IQSEC3: variants seen among roughly 807,000 people sequenced by gnomAD.
IQSEC3 encodes the protein IQ motif and Sec7 domain ArfGEF 3.
Under a neutral mutation model 105.4 loss-of-function variants are expected in IQSEC3, and 50 were observed. The observed-to-expected ratio is 0.47, with a 90% confidence interval of 0.38 to 0.60. The LOEUF is 0.60. IQSEC3 is among the 20% of genes least tolerant of loss of function. The probability of loss-of-function intolerance (pLI) is 0.00; values close to 1 mark genes in which losing one functional copy is unlikely to be tolerated. For missense variants in IQSEC3, 1,415 were observed against 1,630.0 expected, an observed-to-expected ratio of 0.87 and a Z score of 2.27; for synonymous variants, 708 against 746.0, an observed-to-expected ratio of 0.95 and a Z score of 0.83.
At chr12:98,905 C>T (rs1214135951) in intron 1 of IQSEC3, among the ~76,000 whole-genome samples, 2 of 152,178 alleles carry the variant, frequency 1.3e-5, no homozygotes, top group Non-Finnish European at 2.9e-5. Flanking sequence ...GTCAAGGAGG[C>T]TGCACACAGG....
chr12:104,291 CT>C (rs1393060449), intron 2 of IQSEC3, among the ~76,000 whole-genome samples: 1 of 152,178 alleles, frequency 6.6e-6, no homozygotes, highest in East Asian at 1.9e-4. Context: ...CACACAACGT[CT>C]TTTCAAAGAG....
intron 2 of IQSEC3, among the ~76,000 whole-genome samples, chr12:103,330 G>A (rs1328357662): frequency 6.7e-6 from 1 of 149,098 alleles, no homozygotes; most frequent in Non-Finnish European, 1.5e-5. Flanking sequence ...GTGGGAGAGG[G>A]TGGGGCTCAG....
rs188339174 is a variant in IQSEC3, at chr12:146,487, T to A, written c.2153+5202T>A. ...AAGAGACCTCATCTCTACAAAAAAA[T>A]TTTTTTTAAGTAGCCAGGTGTGGTG... On this transcript the variant is annotated intron_variant, in intron 5 of 13. Coordinates refer to ENST00000538872, the MANE Select transcript of IQSEC3 (RefSeq NM_001170738.2). Among the ~76,000 whole-genome samples the A allele has an allele frequency of 5.3e-3, 810 of 151,716 alleles. 14 individuals carry two copies. The East Asian group carries it at 0.068, about 13-fold the overall frequency.
chr12:144,462 G>C (rs1429641596), intron 5 of IQSEC3: 1 of 152,184 alleles, frequency 6.6e-6, no homozygotes, highest in African/African-American at 2.4e-5. Context: ...CATCCCCTTG[G>C]AGACTAAAAC....
Position 67,455 on chromosome 12 carries a change from T to A in IQSEC3, c.554+19T>A, listed in dbSNP as rs1279137651. On this transcript the variant is annotated intron_variant, in intron 1 of 13. Transcript: ENST00000538872. The stretch of plus-strand genomic sequence containing the variant: ...GACCTGAGTGAGCGGGGAGAGGAGA[T>A]GGGCACTGTTGTGGTGGGAGCAAGG... 6.3e-7 allele frequency: 1 copy of A among 1,597,152 alleles called. No individual in the cohort carries two copies. Among genetic ancestry groups the A allele is most frequent in the Non-Finnish European group, 8.5e-7 (1 of 1,179,574 alleles).
At chr12:119,803 G>C (rs527335666) in intron 2 of IQSEC3, among the ~76,000 whole-genome samples, 4 of 152,302 alleles carry the variant, frequency 2.6e-5, no homozygotes, top group Admixed American at 6.5e-5. Context: ...CCCTTGGAAG[G>C]ATGTGACTTT....
intron 1 of IQSEC3, among the ~76,000 whole-genome samples, chr12:86,093 TATA>T (rs1404083216): frequency 6.6e-6 from 1 of 152,200 alleles, no homozygotes; most frequent in Non-Finnish European, 1.5e-5. Flanking sequence ...ATGACATGTA[TATA>T]AACATCAGTG....
intron 1 of IQSEC3, among the ~76,000 whole-genome samples, chr12:68,379 C>T (rs1160714667): frequency 1.3e-4 from 20 of 152,196 alleles, no homozygotes; most frequent in Non-Finnish European, 7.3e-5. Flanking sequence ...CCTTTTTTCC[C>T]GGTTATCTGG....
rs1053188942 is a variant in IQSEC3, at chr12:107,853, C to T, written c.623+8639C>T. 3.3e-5 allele frequency among the ~76,000 whole-genome samples: 5 copies of T among 152,132 alleles called. No individual in the cohort carries two copies. The East Asian group carries it at 9.6e-4, about 29-fold the overall frequency. ...CACATGGCCTGGGGACCCCAGTGACCTCCCTTACAGAGTATGGATATCAGT... is the reference window on the plus strand; with the variant it reads ...CACATGGCCTGGGGACCCCAGTGACTTCCCTTACAGAGTATGGATATCAGT... On this transcript the variant is annotated intron_variant, in intron 2 of 13. Coordinates refer to ENST00000538872, the MANE Select transcript of IQSEC3 (RefSeq NM_001170738.2).
At chr12:108,201 T>C (rs1446579478) in intron 2 of IQSEC3, among the ~76,000 whole-genome samples, 4 of 152,276 alleles carry the variant, frequency 2.6e-5, no homozygotes, top group Admixed American at 6.5e-5. Flanking sequence ...GGAGGCTTTT[T>C]AAAACTTGTT....
rs113171897 is a variant in IQSEC3 at position 156,241 on chromosome 12, AAGGCCCTTGGGGAGCAGGGACTCC to A, written c.2154-781_2154-758del. Among the ~76,000 whole-genome samples, 322 of 152,298 alleles carry A rather than the reference AAGGCCCTTGGGGAGCAGGGACTCC, an allele frequency of 2.1e-3. 1 individual carries two copies. The highest frequency in any genetic ancestry group is 7.5e-3 in the African/African-American group (310 of 41,562). On this transcript the variant is annotated intron_variant, in intron 5 of 13. Transcript: ENST00000538872. ...TTGGAGGCAGCATTTCAGAGGTAGCAAGGCCCTTGGGGAGCAGGGACTCCAGCCTCCTCCCTTTTCAGAAGGTCA... is the reference window on the plus strand; with the variant it reads ...TTGGAGGCAGCATTTCAGAGGTAGCAAGCCTCCTCCCTTTTCAGAAGGTCA...
At chr12:145,853 C>G (rs556932129) in intron 5 of IQSEC3, among the ~76,000 whole-genome samples, 45 of 152,376 alleles carry the variant, frequency 3.0e-4, no homozygotes, top group African/African-American at 8.7e-4. Flanking sequence ...TGAGCGGCCT[C>G]TTTCTGGCCT....
rs782226214 is a variant in IQSEC3, at chr12:157,005, C to A, written c.2154-20C>A. ...GCTTAGGGTGCCACCTGACCTCACACCCTCCCTGCCTGCCCTCAGCTGCGT... is the reference window on the plus strand; with the variant it reads ...GCTTAGGGTGCCACCTGACCTCACAACCTCCCTGCCTGCCCTCAGCTGCGT... On this transcript the variant is annotated intron_variant, in intron 5 of 13. Transcript: ENST00000538872. The A allele has an allele frequency of 1.3e-6, 2 of 1,570,688 alleles. No individual in the cohort carries two copies. The highest frequency in any genetic ancestry group is 1.4e-5 in the African/African-American group (1 of 73,662).
intron 1 of IQSEC3, among the ~76,000 whole-genome samples, chr12:68,618 A>C (rs1474395569): frequency 1.3e-5 from 2 of 152,280 alleles, no homozygotes; most frequent in African/African-American, 4.8e-5. Context: ...GTTCAAGGGA[A>C]ATTGTCCCTG....
chr12:78,426 G>A (rs1555069926), intron 1 of IQSEC3, among the ~76,000 whole-genome samples: 1 of 151,772 alleles, frequency 6.6e-6, no homozygotes, highest in Non-Finnish European at 1.5e-5. Flanking sequence ...AGGGGTCGGG[G>A]ATGAGGACGG....
chr12:74,912 A>T (rs1863459217), intron 1 of IQSEC3, among the ~76,000 whole-genome samples: 1 of 152,260 alleles, frequency 6.6e-6, no homozygotes, highest in African/African-American at 2.4e-5. Flanking sequence ...CTCTTCATCC[A>T]CTGCTCTCAA....
In IQSEC3 at chr12:66,939, G is replaced by A. The variant is rs1277843590; in HGVS notation, c.57G>A (p.Thr19=). Reference sequence around the variant, plus strand: ...CCGTGCTCTACCTCAAGGAGCTCACGGCCATCGTGCAGAACCAGCAGAGCC... The same window carrying A: ...CCGTGCTCTACCTCAAGGAGCTCACAGCCATCGTGCAGAACCAGCAGAGCC... The part of the protein sequence containing the change: ...VRAVLYLKEL[T]AIVQNQQSLI... Residue 19 remains threonine (T), a synonymous_variant, in exon 1 of 14, where the codon ACG becomes ACA. Coordinates refer to ENST00000538872, the MANE Select transcript of IQSEC3 (RefSeq NM_001170738.2). 7 of 1,523,522 alleles carry A rather than the reference G, an allele frequency of 4.6e-6. No homozygotes were observed. Among genetic ancestry groups the A allele is most frequent in the Non-Finnish European group, 6.1e-6 (7 of 1,141,652 alleles). The allele number at this position is 1,523,522 out of a possible 1,614,324, so 94.4% of individuals were successfully genotyped here.
At position 138,450 on chromosome 12, in the gene IQSEC3, A is replaced by G. The variant is rs1001318563; in HGVS notation, c.1087A>G (p.Ser363Gly). The G allele has an allele frequency of 6.2e-7, 1 of 1,604,050 alleles. No individual in the cohort carries two copies. The highest frequency in any genetic ancestry group is 8.5e-7 in the Non-Finnish European group (1 of 1,179,068). ...LRKVRSPTAE[S>G]LAAEKALMEG... ...CAAGGTGCGGTCACCCACGGCCGAG[A>G]GCCTGGCGGCCGAGAAAGCGCTCAT... is the stretch of plus-strand genomic sequence containing the variant. The change falls in exon 4 of 14, where the codon AGC becomes GGC. Residue 363 changes from serine (S) to glycine (G), a missense_variant. By Grantham distance (56) the Ser-to-Gly change is moderately conservative. Around this residue, in one of 6 missense-constraint regions of IQSEC3, gnomAD observed 720 missense variants for 633.0 expected, o/e 1.14. Coordinates refer to ENST00000538872, the MANE Select transcript of IQSEC3 (RefSeq NM_001170738.2). The surrounding 1 kb of genome is among the most constrained non-coding windows in gnomAD (Gnocchi z 7.1).
At chr12:146,704 AAGGG>A (rs1178210235) in intron 5 of IQSEC3, among the ~76,000 whole-genome samples, 10 of 146,974 alleles carry the variant, frequency 6.8e-5, no homozygotes, top group Non-Finnish European at 1.2e-4. Context: ...GAGTGGGAGG[AAGGG>A]AGGGAGGGAG....
Sources: allele counts gnomAD v4.1 joint callset (sites outside exome capture counted in the v4.1 genomes callset), GRCh38; gene constraint gnomAD v4.1.1; regional missense constraint gnomAD v4.1.1; non-coding constraint Gnocchi (gnomAD v3.1); transcripts MANE v1.5; gene names NCBI Gene and HGNC (gene_info 2026-07-23, HGNC 2026-07-21).